The following TAF1 variants were observed in gnomAD, a reference collection of about 807,000 sequenced individuals.
TAF1 encodes the protein TATA-box binding protein associated factor 1.
TAF1 carries 2 observed loss-of-function variants against 138.5 expected under a neutral mutation model. That is an observed-to-expected ratio of 0.01 (90% CI 0.01 to 0.05). The LOEUF (loss-of-function observed/expected upper bound fraction) is 0.05. Ranked by LOEUF, TAF1 falls within the 10% of genes least tolerant of loss-of-function variation. The pLI is 1.00. For synonymous variants in TAF1, 437 were observed against 503.2 expected (o/e 0.87, Z 1.76); for missense variants, 709 against 1,478.0 (o/e 0.48, Z 8.53).
At position 71,464,065 on chromosome X, in the gene TAF1, T is replaced by G; in HGVS notation, c.*19T>G. 8.6e-7 allele frequency: 1 copy of G among 1,163,879 alleles called. No homozygotes were observed. On this transcript the variant is annotated 3_prime_UTR_variant, in exon 38 of 38. Coordinates refer to ENST00000423759, the MANE Select transcript of TAF1 (RefSeq NM_004606.5). ...TGAATGAGGCTTCCTTTGGGCCTCC[T>G]TGGTCAGCCTTCCCTGTTCTCCAGC... is the stretch of plus-strand genomic sequence containing the variant.
chrX:71,434,890 T>A (rs2037063898), intron 32 of TAF1, among the ~76,000 whole-genome samples: 3 of 112,700 alleles, frequency 2.7e-5, no homozygotes, highest in Non-Finnish European at 5.6e-5. Flanking sequence ...CAACCCAAAC[T>A]TTTTGCCAGA....
intron 20 of TAF1, 67 bp downstream of exon 20, chrX:71,393,061 G>A: frequency 1.7e-6 from 2 of 1,171,256 alleles, no homozygotes; most frequent in Non-Finnish European, 2.3e-6. Context: ...TTGCTAGGAG[G>A]CAGATGTAAA....
chrX:71,512,583 C>T (rs949914016), intron 13 of TAF1, among the ~76,000 whole-genome samples: 8 of 110,947 alleles, frequency 7.2e-5, no homozygotes, highest in Non-Finnish European at 1.1e-4. Flanking sequence ...TTTGGGAGGC[C>T]GAGGCAGGTG....
chrX:71,439,032 A>G (rs1409060850), intron 32 of TAF1, among the ~76,000 whole-genome samples: 1 of 111,875 alleles, frequency 8.9e-6, no homozygotes, highest in East Asian at 2.8e-4. Context: ...CCTTTGCTGA[A>G]TGTTCTGCCC....
At chrX:71,494,904 C>CTGCTGATTGGTCCATTTTACAGAG (rs964746494) in intron 13 of TAF1, among the ~76,000 whole-genome samples, 1 of 112,343 alleles carries the variant, frequency 8.9e-6, no homozygotes, top group Non-Finnish European at 1.9e-5. Context: ...TGCCCACGTC[C>CTGCTGATTGGTCCATTTTACAGAG]TGCTGATTGG....
intron 8 of TAF1, among the ~76,000 whole-genome samples, chrX:71,379,500 T>A (rs762129563): frequency 1.8e-5 from 2 of 110,516 alleles, no homozygotes; most frequent in Non-Finnish European, 3.8e-5. Context: ...TTATTTTATT[T>A]TTATGCTCAA....
chrX:71,459,103 C>T (rs1177582422), intron 35 of TAF1: 1 of 980,215 alleles, frequency 1.0e-6, no homozygotes, highest in East Asian at 5.7e-5. Context: ...TTAACTCCTC[C>T]TACAGGCACG....
At chrX:71,373,824 A>G (rs892181240) in intron 3 of TAF1, among the ~76,000 whole-genome samples, 1 of 110,909 alleles carries the variant, frequency 9.0e-6, no homozygotes, top group Non-Finnish European at 1.9e-5. Flanking sequence ...AGTGATGCCA[A>G]TGGTTAAGGG....
intron 24 of TAF1, among the ~76,000 whole-genome samples, chrX:71,400,584 G>T (rs1233738974): frequency 1.8e-5 from 2 of 111,913 alleles, no homozygotes; most frequent in East Asian, 5.6e-4. Context: ...GGCAGTTGTG[G>T]TACAGTGGAA....
chrX:71,461,086 G>T, intron 37 of TAF1: 1 of 307,515 alleles, frequency 3.3e-6, no homozygotes, highest in Non-Finnish European at 5.7e-6. Context: ...CACTGAGAAG[G>T]GAGTGTCTCA....
At chrX:71,392,464 A>G in intron 18 of TAF1, 105 bp from the exon 19 acceptor site, 1 of 1,001,774 alleles carries the variant, frequency 1.0e-6, no homozygotes, top group Non-Finnish European at 1.3e-6. Context: ...AAAATTAGAA[A>G]AAAAGAACAT....
At chrX:71,392,421 A>G in intron 18 of TAF1, 148 bp from the exon 19 acceptor site, 4 of 696,667 alleles carry the variant, frequency 5.7e-6, no homozygotes, top group Non-Finnish European at 7.8e-6. Flanking sequence ...ATTTTTGTGG[A>G]CAGTTTAAGA....
At chrX:71,483,891 AATAAT>A (rs1482620820) in intron 13 of TAF1, among the ~76,000 whole-genome samples, 1 of 107,278 alleles carries the variant, frequency 9.3e-6, no homozygotes, top group Admixed American at 1.0e-4. Flanking sequence ...ATTTATAAGA[AATAAT>A]AGAGATTCCT....
chrX:71,486,960 T>G (rs2039182143), intron 13 of TAF1, among the ~76,000 whole-genome samples: 1 of 110,525 alleles, frequency 9.0e-6, no homozygotes, highest in African/African-American at 3.3e-5. Flanking sequence ...TTATCTCCTC[T>G]CTAATCTTTA....
intron 3 of TAF1, 75 bp from the exon 4 acceptor site, chrX:71,375,091 AT>A: frequency 3.6e-6 from 4 of 1,114,892 alleles, no homozygotes; most frequent in Admixed American, 2.9e-5. Flanking sequence ...AAAAAAAAAA[AT>A]TGAGTGGCAA....
At chrX:71,452,772 T>C (rs2038077431) in intron 32 of TAF1, among the ~76,000 whole-genome samples, 1 of 111,831 alleles carries the variant, frequency 8.9e-6, no homozygotes, top group South Asian at 3.7e-4. Flanking sequence ...CTGGGCACCA[T>C]TGAGCACTGA....
chrX:71,447,576 A>T (rs926901357), intron 32 of TAF1, among the ~76,000 whole-genome samples: 7 of 109,908 alleles, frequency 6.4e-5, no homozygotes, highest in Non-Finnish European at 1.3e-4. Context: ...CACACCTGTA[A>T]TTCCAGCTAC....
rs1164519184 is a variant in TAF1 at position 71,483,780 on chromosome X, C to CTCTCTATA, written c.1366+22978_1366+22979insCTCTATAT. On this transcript the variant is annotated intron_variant and NMD_transcript_variant, in intron 13 of 14. Coordinates refer to the TAF1 transcript ENST00000373775. ...TCTCTCTCTCTCTCTCTCTCTCTCT[C>CTCTCTATA]TATATATATATATATATATATATAC... Among the ~76,000 whole-genome samples, 29 of 37,570 alleles carry CTCTCTATA rather than the reference C, an allele frequency of 7.7e-4. No homozygotes were observed. The East Asian group carries it at 0.011, about 14-fold the overall frequency. 32.6% of individuals were successfully genotyped at this position (37,570 alleles called of 115,157 possible).
chrX:71,405,333 A>G (rs367913910), intron 25 of TAF1, among the ~76,000 whole-genome samples: 1 of 110,074 alleles, frequency 9.1e-6, no homozygotes, highest in East Asian at 2.9e-4. Flanking sequence ...ACAGTCATTT[A>G]TGTGTTTGTT....
Sources: gnomAD v4.1 joint callset for allele counts (sites outside exome capture counted in the v4.1 genomes callset) on GRCh38, gnomAD v4.1.1 for gene constraint, MANE v1.5 for transcripts, NCBI Gene and HGNC (gene_info 2026-07-23, HGNC 2026-07-21) for gene names.